The following RAB27A variants were observed in gnomAD, a reference collection of about 807,000 sequenced individuals.
RAB27A encodes ras-related protein Rab-27A.
Under a neutral mutation model 20.8 loss-of-function variants are expected in RAB27A, and 17 were observed. The ratio of observed to expected loss-of-function variants is 0.82; its 90% CI spans 0.56 to 1.23. The LOEUF (loss-of-function observed/expected upper bound fraction) is 1.23, where lower values mean the gene tolerates loss of function less well. Among genes scored for constraint, RAB27A ranks in the 50% most tolerant of loss-of-function variants. RAB27A has a pLI of 0.00. For missense variants in RAB27A, 277 were observed against 266.7 expected (o/e 1.04, Z -0.27); for synonymous variants, 85 against 92.8 (o/e 0.92, Z 0.48).
chr15:55,288,807 A>C (rs1898227934), intron 1 of RAB27A: 2 of 151,962 alleles, frequency 1.3e-5, no homozygotes, highest in South Asian at 4.2e-4. Context: ...CTCTAAAGCA[A>C]GTTTTTAAGG....
chr15:55,275,880 A>G (rs964976046), intron 1 of RAB27A, among the ~76,000 whole-genome samples: 12 of 144,530 alleles, frequency 8.3e-5, no homozygotes, highest in African/African-American at 3.0e-4. Flanking sequence ...CAAAACCACA[A>G]TGATTTTGAT....
At chr15:55,309,123 G>A (rs1255557445) in intron 2 of RAB27A, among the ~76,000 whole-genome samples, 1 of 152,302 alleles carries the variant, frequency 6.6e-6, no homozygotes, top group Non-Finnish European at 1.5e-5. Flanking sequence ...CTTACTAAAT[G>A]GGTATTGACT....
At chr15:55,253,733 C>A (rs1896980885) in intron 2 of RAB27A, among the ~76,000 whole-genome samples, 1 of 149,468 alleles carries the variant, frequency 6.7e-6, no homozygotes, top group African/African-American at 2.5e-5. Flanking sequence ...GAACAAGAGC[C>A]TTGTTTAAAA....
intron 6 of RAB27A, among the ~76,000 whole-genome samples, chr15:55,210,027 T>TATGTGTGTACATGTACATATATACGC (rs1566896669): frequency 1.4e-5 from 2 of 143,210 alleles, no homozygotes; most frequent in African/African-American, 5.2e-5. Flanking sequence ...TATACGCATA[T>TATGTGTGTACATGTACATATATACGC]ATATGTGTGT....
chr15:55,319,039 C>T, exon 1 of RAB27A: 1 of 573,072 alleles, frequency 1.7e-6, no homozygotes, highest in Non-Finnish European at 3.0e-6. Flanking sequence ...ACAGAGACCG[C>T]CAAGCCAAAG....
intron 6 of RAB27A, among the ~76,000 whole-genome samples, chr15:55,214,308 C>T (rs527323592): frequency 2.4e-4 from 37 of 152,214 alleles, no homozygotes; most frequent in Non-Finnish European, 2.5e-4. Flanking sequence ...TGGTGGTGGA[C>T]GCCTGTAGTC....
chr15:55,310,185 G>A (rs1186787111), intron 2 of RAB27A, among the ~76,000 whole-genome samples: 1 of 152,210 alleles, frequency 6.6e-6, no homozygotes, highest in Admixed American at 6.5e-5. Flanking sequence ...CTTAGTGGCT[G>A]GGAGAAGTAT....
At position 55,224,154 on chromosome 15, in the gene RAB27A, A is replaced by T. The variant is rs1431711810; in HGVS notation, c.344-142T>A. The T allele has an allele frequency of 4.5e-6, 3 of 662,294 alleles. No homozygotes were observed. In the East Asian group the frequency reaches 9.4e-5, roughly 21 times the overall value. 41.0% of individuals were successfully genotyped at this position (662,294 alleles called of 1,614,324 possible). On this transcript the variant is annotated intron_variant, in intron 5 of 6. Coordinates refer to ENST00000336787, the MANE Select transcript of RAB27A (RefSeq NM_183235.3). ...GACATAATGCTTTCAAAGCATCAGT[A>T]ATCTTATCTGTAAAGCTGAATAGTT...
intron 2 of RAB27A, among the ~76,000 whole-genome samples, chr15:55,244,587 T>C (rs1896618420): frequency 6.6e-6 from 1 of 152,166 alleles, no homozygotes; most frequent in Non-Finnish European, 1.5e-5. Context: ...ACATAAGGTA[T>C]ATTATAAAGA....
intron 6 of RAB27A, among the ~76,000 whole-genome samples, chr15:55,216,065 C>T (rs942496789): frequency 2.0e-5 from 3 of 152,014 alleles, no homozygotes; most frequent in Non-Finnish European, 2.9e-5. Flanking sequence ...TCTGTGCCTC[C>T]GCTGCTTCAT....
At chr15:55,311,409 T>C (rs1224696319) in intron 2 of RAB27A, among the ~76,000 whole-genome samples, 2 of 152,116 alleles carry the variant, frequency 1.3e-5, no homozygotes, top group East Asian at 1.9e-4. Flanking sequence ...CGGGGAAAAT[T>C]GCACTCTGTG....
At chr15:55,229,834 T>C (rs1384272033) in intron 4 of RAB27A, among the ~76,000 whole-genome samples, 1 of 152,166 alleles carries the variant, frequency 6.6e-6, no homozygotes, top group Non-Finnish European at 1.5e-5. Flanking sequence ...TTCATAATTG[T>C]TGAAGCTGAG....
At chr15:55,227,583 A>C (rs1284990066) in intron 5 of RAB27A, among the ~76,000 whole-genome samples, 1 of 152,230 alleles carries the variant, frequency 6.6e-6, no homozygotes, top group Non-Finnish European at 1.5e-5. Flanking sequence ...AGGCCATTAA[A>C]AAGGAAAGCC....
chr15:55,222,725 C>A (rs1895630483), intron 6 of RAB27A, among the ~76,000 whole-genome samples: 2 of 152,094 alleles, frequency 1.3e-5, no homozygotes, highest in African/African-American at 4.8e-5. Context: ...TTTCTCTTGG[C>A]CTTCTTGGAT....
rs536754645 is a variant in RAB27A, at chr15:55,225,888, A to C, written c.344-1876T>G. ...ATAAAATGTAACAGGGGTTAAAAGG[A>C]GGGAAAACATCTAACACAACTAAGT... is the stretch of plus-strand genomic sequence containing the variant. On this transcript the variant is annotated intron_variant, in intron 5 of 6. Transcript: ENST00000336787. Among the ~76,000 whole-genome samples the C allele has an allele frequency of 1.2e-3, 184 of 152,292 alleles. 1 individual carries two copies. The Middle Eastern group carries it at 0.034, about 28-fold the overall frequency.
intron 2 of RAB27A, among the ~76,000 whole-genome samples, chr15:55,245,686 T>G (rs547400651): frequency 6.6e-6 from 1 of 152,360 alleles, no homozygotes; most frequent in South Asian, 2.1e-4. Context: ...ACTTGCTACA[T>G]AGGAATATTC....
chr15:55,307,572 T>A (rs1365722861), intron 2 of RAB27A, among the ~76,000 whole-genome samples: 1 of 151,946 alleles, frequency 6.6e-6, no homozygotes, highest in Non-Finnish European at 1.5e-5. Context: ...TCTGTAAGCC[T>A]CAGGGAAGTC....
At chr15:55,316,100 T>C (rs2055042073) in intron 1 of RAB27A, among the ~76,000 whole-genome samples, 1 of 151,992 alleles carries the variant, frequency 6.6e-6, no homozygotes, top group South Asian at 2.1e-4. Flanking sequence ...GGTGTGGTGG[T>C]GCACACATGT....
At position 55,229,661 on chromosome 15, in the gene RAB27A, G is replaced by A. The variant is rs757251722; in HGVS notation, c.239+740C>T. 8.7e-5 allele frequency among the ~76,000 whole-genome samples: 13 copies of A among 149,548 alleles called. 1 individual carries two copies. Among genetic ancestry groups the A allele is most frequent in the South Asian group, 2.1e-4 (1 of 4,778 alleles). On this transcript the variant is annotated intron_variant, in intron 4 of 6. Coordinates refer to ENST00000336787, the MANE Select transcript of RAB27A (RefSeq NM_183235.3). ...GCCTGGGCAACAAGAATGAAACTCC[G>A]CCCAAAAAAAAAACAAAAAAGAGCT...
Sources: allele counts gnomAD v4.1 joint callset (sites outside exome capture counted in the v4.1 genomes callset), GRCh38; gene constraint gnomAD v4.1.1; transcripts MANE v1.5; gene names NCBI Gene and HGNC (gene_info 2026-07-23, HGNC 2026-07-21).